Variants in SSC5D observed in about 807,000 individuals in gnomAD.
SSC5D encodes scavenger receptor cysteine rich family member with 5 domains.
SSC5D carries 106 observed loss-of-function variants against 104.6 expected under a neutral mutation model. The observed-to-expected ratio is 1.01, with a 90% confidence interval of 0.87 to 1.19. SSC5D has a LOEUF of 1.19. Among genes scored for constraint, SSC5D ranks in the 50% most tolerant of loss-of-function variants. The pLI, the probability that SSC5D is intolerant of heterozygous loss-of-function variation, is 0.00. For missense variants in SSC5D, 1,993 were observed against 2,153.8 expected (o/e 0.93, Z 1.48); for synonymous variants, 860 against 883.5 (o/e 0.97, Z 0.47).
chr19:55,491,055 C>G lies in SSC5D; in HGVS notation c.870C>G (p.Ser290Arg). The G allele has an allele frequency of 1.9e-6, 3 of 1,550,120 alleles. No individual in the cohort carries two copies. Among genetic ancestry groups the G allele is most frequent in the Non-Finnish European group, 2.6e-6 (3 of 1,146,688 alleles). ...SPWGRSNCDH[S>R]EDAGLVCTGP... ...GGGGCCGGAGCAACTGTGACCACAG[C>G]GAGGATGCGGGGCTGGTCTGCACCG... The change falls in exon 6 of 14, where the codon AGC becomes AGG. Residue 290 changes from serine (S) to arginine (R), a missense_variant. By Grantham distance (110) the Ser-to-Arg change is moderately radical (BLOSUM62 -1). This residue lies in a region of SSC5D where 1,101 missense variants were observed against 1,085.0 expected (regional missense o/e 1.01). Coordinates refer to ENST00000389623, the MANE Select transcript of SSC5D (RefSeq NM_001144950.2).
At position 55,495,163 on chromosome 19, in the gene SSC5D, CAG is replaced by C. The variant is rs1568476855; in HGVS notation, c.1387+383_1387+384del. Among the ~76,000 whole-genome samples the C allele has an allele frequency of 3.6e-5, 5 of 140,002 alleles. No homozygotes were observed. In the South Asian group the frequency reaches 1.1e-3, roughly 32 times the overall value. 91.8% of individuals were successfully genotyped at this position (140,002 alleles called of 152,430 possible). ...CTGCTCAAACATTACCTTTACTTTC[CAG>C]AGTCTCTGGTTCTTTAGCAAATGTG... On this transcript the variant is annotated intron_variant, in intron 8 of 13. Transcript: ENST00000389623.
intron 12 of SSC5D, among the ~76,000 whole-genome samples, chr19:55,512,241 A>G (rs1455758858): frequency 6.6e-6 from 1 of 151,364 alleles, no homozygotes; most frequent in African/African-American, 2.4e-5. Flanking sequence ...TGTTGTTTGT[A>G]TAAAGCTAGG....
At position 55,503,195 on chromosome 19, in the gene SSC5D, C is replaced by T. The variant is rs1016008846; in HGVS notation, c.2785+1994C>T. 5.3e-5 allele frequency among the ~76,000 whole-genome samples: 8 copies of T among 152,270 alleles called. No homozygotes were observed. The highest frequency in any genetic ancestry group is 1.9e-4 in the African/African-American group (8 of 41,556). ...GGCTCAAGTCATCGGCTTGCTGCGGCCTCCCAAAGTGCTGGAATTGCAGGC... is the reference window on the plus strand; with the variant it reads ...GGCTCAAGTCATCGGCTTGCTGCGGTCTCCCAAAGTGCTGGAATTGCAGGC... On this transcript the variant is annotated intron_variant, in intron 12 of 13. Transcript: ENST00000389623. This position sits in a 1 kb window ranked among gnomAD's most constrained non-coding sequence, Gnocchi z 4.0.
Position 55,489,516 on chromosome 19 carries a change from G to A in SSC5D, c.215G>A (p.Gly72Asp). 6.8e-7 allele frequency: 1 copy of A among 1,466,914 alleles called. No homozygotes were observed. Among genetic ancestry groups the A allele is most frequent in the South Asian group, 1.4e-5 (1 of 72,718 alleles). 90.9% of individuals were successfully genotyped at this position (1,466,914 alleles called of 1,614,324 possible). A position where few individuals can be genotyped will look rare whatever the true frequency, so the allele number is the denominator to read the frequency against. The change falls in exon 3 of 14, where the codon GGC becomes GAC. Residue 72 changes from glycine (G) to aspartate (D), a missense_variant. Gly to Asp is a moderately conservative substitution (Grantham distance 94). This residue lies in a region of SSC5D where 1,101 missense variants were observed against 1,085.0 expected (regional missense o/e 1.01). Transcript: ENST00000389623. Reference protein sequence around the residue: ...GCGGALAAPGGAFFGEGAGPV... With the variant: ...GCGGALAAPGDAFFGEGAGPV... The stretch of plus-strand genomic sequence containing the variant: ...GGAGGGGCACTGGCCGCCCCGGGAG[G>A]CGCCTTCTTCGGGGAGGGGGCAGGG...
chr19:55,499,195 CT>C (rs1246214434), intron 9 of SSC5D, among the ~76,000 whole-genome samples: 1 of 152,208 alleles, frequency 6.6e-6, no homozygotes, highest in Non-Finnish European at 1.5e-5. Context: ...GTTCCAAAGG[CT>C]TCGAAGTCAT....
intron 13 of SSC5D, among the ~76,000 whole-genome samples, chr19:55,514,124 G>C (rs1987815458): frequency 1.3e-5 from 2 of 152,296 alleles, no homozygotes; most frequent in African/African-American, 4.8e-5. Flanking sequence ...AGCATGATTA[G>C]GCTGGCTGCA....
chr19:55,501,429 A>G (rs1306585666), intron 12 of SSC5D, among the ~76,000 whole-genome samples: 1 of 152,192 alleles, frequency 6.6e-6, no homozygotes, highest in African/African-American at 2.4e-5. Context: ...AAGCTCAGCA[A>G]TCCTGAGCCC....
intron 13 of SSC5D, among the ~76,000 whole-genome samples, chr19:55,516,999 G>A (rs1987885382): frequency 6.6e-6 from 1 of 152,106 alleles, no homozygotes; most frequent in African/African-American, 2.4e-5. Flanking sequence ...CGAGTCCGGA[G>A]CATCCCCGCA....
chr19:55,499,770 C>A, intron 9 of SSC5D, 46 bp from the exon 10 acceptor site: 1 of 1,463,122 alleles, frequency 6.8e-7, no homozygotes, highest in South Asian at 1.2e-5. Flanking sequence ...ATGATCTTGT[C>A]ATCATGGTGT....
At chr19:55,499,667 AGGT>A (rs1987418131) in intron 9 of SSC5D, 146 bp from the exon 10 acceptor site, 1 of 717,706 alleles carries the variant, frequency 1.4e-6, no homozygotes, top group African/African-American at 1.8e-5. Flanking sequence ...GGCTCATAGG[AGGT>A]GCTCAATAAA....
In SSC5D at chr19:55,488,811, C is replaced by T. The variant is rs116264118; in HGVS notation, c.26-195C>T. Among the ~76,000 whole-genome samples, 549 of 68,746 alleles carry T rather than the reference C, an allele frequency of 8.0e-3. 2 individuals are homozygous for T. Among genetic ancestry groups the T allele is most frequent in the African/African-American group, 0.031 (531 of 17,250 alleles). The allele number at this position is 68,746 out of a possible 152,430, so 45.1% of individuals were successfully genotyped here. ...AGAAGCCCAAGGGACCTGCCCCCTGCCCGCCCCCCAGCCCTGACCCTGCGG... is the reference window on the plus strand; with the variant it reads ...AGAAGCCCAAGGGACCTGCCCCCTGTCCGCCCCCCAGCCCTGACCCTGCGG... On this transcript the variant is annotated intron_variant, in intron 1 of 13. Coordinates refer to ENST00000389623, the MANE Select transcript of SSC5D (RefSeq NM_001144950.2).
chr19:55,504,835 G>A (rs2123449606), intron 12 of SSC5D, among the ~76,000 whole-genome samples: 1 of 152,266 alleles, frequency 6.6e-6, no homozygotes, highest in East Asian at 1.9e-4. Flanking sequence ...GGGCGCCAGG[G>A]TTGTTGGAAA....
At position 55,490,381 on chromosome 19, in the gene SSC5D, C is replaced by G. The variant is rs1599911097; in HGVS notation, c.559C>G (p.Leu187Val). The G allele has an allele frequency of 2.0e-6, 3 of 1,503,460 alleles. No homozygotes were observed. In the East Asian group the frequency reaches 7.7e-5, roughly 38 times the overall value. The allele number at this position is 1,503,460 out of a possible 1,614,324, so 93.1% of individuals were successfully genotyped here. A position where few individuals can be genotyped will look rare whatever the true frequency, so the allele number is the denominator to read the frequency against. Residue 187 changes from leucine to valine, a missense_variant, in exon 5 of 14, where the codon CTG becomes GTG. By Grantham distance (32) the Leu-to-Val change is conservative. Around this residue, in one of 6 missense-constraint regions of SSC5D, gnomAD observed 1,101 missense variants for 1,085.0 expected, o/e 1.01. Coordinates refer to ENST00000389623, the MANE Select transcript of SSC5D (RefSeq NM_001144950.2). ...GCAGGCCAAGTCCACCCGGGCCCCT[C>G]TGCTGACGACAGGAGCCCCCCGCCA... ...PKQAKSTRAPLLTTGAPRQER... is the reference protein window; with the variant it reads ...PKQAKSTRAPVLTTGAPRQER...
chr19:55,507,687 A>AG, intron 12 of SSC5D, among the ~76,000 whole-genome samples: 1 of 151,274 alleles, frequency 6.6e-6, no homozygotes, highest in South Asian at 2.1e-4. Flanking sequence ...AAAAAAAAAA[A>AG]AGAAAAAAAG....
At position 55,511,030 on chromosome 19, in the gene SSC5D, C is replaced by T. The variant is rs577779330; in HGVS notation, c.2786-1981C>T. On this transcript the variant is annotated intron_variant, in intron 12 of 13. Transcript: ENST00000389623. ...CTGACCTCAGGTGATCTGCCTGCCTCGGCCTCTCAAAGTGCTGGGATTACA... is the reference window on the plus strand; with the variant it reads ...CTGACCTCAGGTGATCTGCCTGCCTTGGCCTCTCAAAGTGCTGGGATTACA... Among the ~76,000 whole-genome samples, 614 of 152,198 alleles carry T rather than the reference C, an allele frequency of 4.0e-3. 3 individuals carry two copies. The highest frequency in any genetic ancestry group is 0.014 in the African/African-American group (579 of 41,532).
chr19:55,493,578 C>T lies in SSC5D; in HGVS notation c.896-17C>T, dbSNP rs1987212852. 2 of 1,417,456 alleles carry T rather than the reference C, an allele frequency of 1.4e-6. No individual in the cohort carries two copies. Among genetic ancestry groups the T allele is most frequent in the Non-Finnish European group, 1.8e-6 (2 of 1,097,420 alleles). 87.8% of individuals were successfully genotyped at this position (1,417,456 alleles called of 1,614,324 possible). A position where few individuals can be genotyped will look rare whatever the true frequency, so the allele number is the denominator to read the frequency against. On this transcript the variant is annotated splice_polypyrimidine_tract_variant and intron_variant, in intron 6 of 13. Coordinates refer to ENST00000389623, the MANE Select transcript of SSC5D (RefSeq NM_001144950.2). ...ACCCTCGTTTCCTGGCCCTGTGCTC[C>T]CTCTCCCACTATCCAGGCCCAGCAC...
At position 55,506,443 on chromosome 19, in the gene SSC5D, G is replaced by C. The variant is rs531723175; in HGVS notation, c.2785+5242G>C. 5.4e-5 allele frequency among the ~76,000 whole-genome samples: 7 copies of C among 129,052 alleles called. No homozygotes were observed. The East Asian group carries it at 1.7e-3, about 32-fold the overall frequency. 84.7% of individuals were successfully genotyped at this position (129,052 alleles called of 152,430 possible). A position where few individuals can be genotyped will look rare whatever the true frequency, so the allele number is the denominator to read the frequency against. On this transcript the variant is annotated intron_variant, in intron 12 of 13. Transcript: ENST00000389623. ...GGAGTCTCGCTCTGTCGCCCAGGCT[G>C]GAGTGCAGTGGCGTGATCTTGTCTC... is the stretch of plus-strand genomic sequence containing the variant.
chr19:55,515,448 C>T (rs1987850616), intron 13 of SSC5D, among the ~76,000 whole-genome samples: 2 of 126,896 alleles, frequency 1.6e-5, no homozygotes, highest in Admixed American at 8.1e-5. Flanking sequence ...GAAAATGAAA[C>T]ATTTGCCGGG....
intron 13 of SSC5D, among the ~76,000 whole-genome samples, chr19:55,514,344 G>T (rs941562706): frequency 2.0e-5 from 3 of 151,486 alleles, no homozygotes; most frequent in Non-Finnish European, 4.4e-5. Flanking sequence ...GGCAGAGCTT[G>T]CAGTGAGCCG....
Sources: allele counts gnomAD v4.1 joint callset (sites outside exome capture counted in the v4.1 genomes callset), GRCh38; gene constraint gnomAD v4.1.1; regional missense constraint gnomAD v4.1.1; non-coding constraint Gnocchi (gnomAD v3.1); transcripts MANE v1.5; gene names NCBI Gene and HGNC (gene_info 2026-07-23, HGNC 2026-07-21).